The following PCDHA2 variants were observed in gnomAD, a reference collection of about 807,000 sequenced individuals.
The protein encoded by PCDHA2 is protocadherin alpha-2.
In PCDHA2, 58 loss-of-function variants were observed where a neutral mutation model predicts 66.0. The observed-to-expected ratio is 0.88, with a 90% CI of 0.71 to 1.09. The LOEUF (loss-of-function observed/expected upper bound fraction) is 1.09. Ranked by LOEUF, PCDHA2 falls within the 50% of genes least tolerant of loss-of-function variation. The pLI is 0.00. For synonymous variants in PCDHA2, 634 were observed against 554.0 expected, an observed-to-expected ratio of 1.14 and a Z score of -2.03; for missense variants, 1,267 against 1,242.3, an observed-to-expected ratio of 1.02 and a Z score of -0.30.
Position 141,010,271 on chromosome 5 carries a change from C to T in PCDHA2, c.*334C>T, listed in dbSNP as rs1031489236. The T allele has an allele frequency of 5.5e-5, 85 of 1,551,586 alleles. No individual in the cohort carries two copies. The highest frequency in any genetic ancestry group is 7.2e-5 in the Non-Finnish European group (83 of 1,146,992). On this transcript the variant is annotated 3_prime_UTR_variant, in exon 4 of 4. Coordinates refer to ENST00000526136, the MANE Select transcript of PCDHA2 (RefSeq NM_018905.3). ...CTCTCTGCCCTGTGCTCCGGGGATCCTGTCTTGATGACACTTGCAGGGCAG... is the reference window on the plus strand; with the variant it reads ...CTCTCTGCCCTGTGCTCCGGGGATCTTGTCTTGATGACACTTGCAGGGCAG...
At chr5:140,826,307 G>T (rs1326505892) in intron 1 of PCDHA2, among the ~76,000 whole-genome samples, 5 of 151,882 alleles carry the variant, frequency 3.3e-5, no homozygotes. Context: ...GGAACCTCTT[G>T]TTTTGGGGAT....
At chr5:140,965,314 T>C (rs563123453) in intron 1 of PCDHA2, among the ~76,000 whole-genome samples, 1 of 152,254 alleles carries the variant, frequency 6.6e-6, no homozygotes, top group East Asian at 1.9e-4. Flanking sequence ...TACCTTCTCT[T>C]TTACTGAAGT....
intron 1 of PCDHA2, chr5:140,803,064 C>G (rs1554122562): frequency 1.2e-6 from 2 of 1,613,978 alleles, no homozygotes; most frequent in Middle Eastern, 1.6e-4. Context: ...CATCCCGTTT[C>G]GCGTGGGGCT....
intron 2 of PCDHA2, chr5:140,982,223 TA>T: frequency 5.2e-6 from 3 of 580,212 alleles, no homozygotes; most frequent in East Asian, 4.0e-5. Context: ...ATGGCGTTAA[TA>T]AAAAACAGAA....
At chr5:140,802,536 G>A (rs1762940116) in intron 1 of PCDHA2, 7 of 1,614,200 alleles carry the variant, frequency 4.3e-6, no homozygotes, top group Non-Finnish European at 5.9e-6. Flanking sequence ...GGAGGTGGCC[G>A]ACGTGAACGA....
chr5:140,836,438 C>T (rs2150261079), intron 1 of PCDHA2: 1 of 1,613,840 alleles, frequency 6.2e-7, no homozygotes, highest in African/African-American at 1.3e-5. Context: ...CATCGTTGGG[C>T]ATTGCAGGCC....
At chr5:140,852,280 G>T in intron 1 of PCDHA2, 1 of 510,402 alleles carries the variant, frequency 2.0e-6, no homozygotes, top group Non-Finnish European at 2.6e-6. Flanking sequence ...CATGTTTTTT[G>T]TCTTTTTATT....
intron 1 of PCDHA2, chr5:140,802,224 A>G: frequency 1.2e-6 from 2 of 1,614,250 alleles, no homozygotes; most frequent in African/African-American, 1.3e-5. Flanking sequence ...AATTGTGGAC[A>G]TCAATGATAA....
intron 1 of PCDHA2, chr5:140,860,142 T>C (rs1288609086): frequency 1.3e-5 from 2 of 149,904 alleles, no homozygotes; most frequent in Admixed American, 6.7e-5. Flanking sequence ...TGTATATATA[T>C]GTATATATGT....
intron 1 of PCDHA2, chr5:140,825,809 T>A (rs1318572939): frequency 6.6e-6 from 1 of 152,498 alleles, no homozygotes; most frequent in African/African-American, 2.4e-5. Flanking sequence ...TTACTGCTTG[T>A]TGTTACTTTT....
chr5:140,859,506 C>A, intron 1 of PCDHA2: 1 of 197,142 alleles, frequency 5.1e-6, no homozygotes, highest in Non-Finnish European at 1.0e-5. Flanking sequence ...ACCTGATACC[C>A]ATGATTTCAT....
intron 1 of PCDHA2, chr5:140,883,754 G>C: frequency 3.1e-6 from 5 of 1,613,118 alleles, no homozygotes; most frequent in Non-Finnish European, 4.2e-6. Flanking sequence ...CTCGCTGGTG[G>C]AGCGGCGGGT....
intron 1 of PCDHA2, chr5:140,803,858 G>A (rs907396675): frequency 1.3e-4 from 73 of 575,574 alleles, no homozygotes; most frequent in Non-Finnish European, 2.0e-4. Context: ...AAATGCCTGG[G>A]TATAAGACAA....
At chr5:140,911,410 A>G (rs1472938045) in intron 1 of PCDHA2, among the ~76,000 whole-genome samples, 1 of 152,208 alleles carries the variant, frequency 6.6e-6, no homozygotes, top group African/African-American at 2.4e-5. Context: ...AGCCACTGGT[A>G]TGATAAGAAC....
chr5:140,896,748 A>T (rs1554187100), intron 1 of PCDHA2, among the ~76,000 whole-genome samples: 1 of 151,856 alleles, frequency 6.6e-6, no homozygotes, highest in African/African-American at 2.4e-5. Context: ...TAGATTCTGG[A>T]TATTAGACCT....
intron 1 of PCDHA2, chr5:140,823,902 G>T (rs915355375): frequency 3.7e-6 from 6 of 1,614,050 alleles, no homozygotes; most frequent in Non-Finnish European, 5.1e-6. Context: ...TGTCCAGCCT[G>T]CTGGTGCTCA....
At position 140,969,258 on chromosome 5, in the gene PCDHA2, A is replaced by T. The variant is rs782513796; in HGVS notation, c.2389-9691A>T. ...CAAGCAGCAGTGACTGACAGCAGGA[A>T]TCTCACAGGCCAAAGTGGTCAGAAT... On this transcript the variant is annotated intron_variant, in intron 1 of 3. Transcript: ENST00000526136. The T allele has an allele frequency of 3.7e-6, 6 of 1,614,106 alleles. No homozygotes were observed. The East Asian group carries it at 1.3e-4, about 36-fold the overall frequency.
intron 1 of PCDHA2, among the ~76,000 whole-genome samples, chr5:140,904,121 T>G (rs1554191284): frequency 6.6e-6 from 1 of 152,194 alleles, no homozygotes; most frequent in Non-Finnish European, 1.5e-5. Flanking sequence ...GAGATTTTGG[T>G]GCACCCATCA....
At chr5:141,003,913 T>C (rs1554259375) in intron 3 of PCDHA2, among the ~76,000 whole-genome samples, 1 of 152,206 alleles carries the variant, frequency 6.6e-6, no homozygotes, top group African/African-American at 2.4e-5. Flanking sequence ...GGGTCTTGAC[T>C]GCATCCTCAG....
Sources: gnomAD v4.1 joint callset for allele counts (sites outside exome capture counted in the v4.1 genomes callset) on GRCh38, gnomAD v4.1.1 for gene constraint, MANE v1.5 for transcripts, NCBI Gene and HGNC (gene_info 2026-07-23, HGNC 2026-07-21) for gene names.